AGBL4: variants seen among roughly 807,000 people sequenced by gnomAD.
AGBL4 encodes the protein cytosolic carboxypeptidase 6.
AGBL4 carries 58 observed loss-of-function variants against 66.4 expected under a neutral mutation model. That is an observed-to-expected ratio of 0.87 (90% CI 0.71 to 1.09). The LOEUF (loss-of-function observed/expected upper bound fraction) is 1.09. Among genes scored for constraint, AGBL4 ranks in the 50% least tolerant of loss-of-function variants. The pLI is 0.00. For synonymous variants in AGBL4, 234 were observed against 222.9 expected (o/e 1.05, Z -0.44); for missense variants, 579 against 631.0 (o/e 0.92, Z 0.88).
chr1:49,038,188 A>G (rs1221469501), intron 5 of AGBL4, among the ~76,000 whole-genome samples: 1 of 152,106 alleles, frequency 6.6e-6, no homozygotes, highest in East Asian at 1.9e-4. Flanking sequence ...TGCTAGTTAC[A>G]TGGTAGGTAT....
intron 1 of AGBL4, among the ~76,000 whole-genome samples, chr1:49,908,550 T>G (rs1282137630): frequency 6.6e-6 from 1 of 152,198 alleles, no homozygotes; most frequent in Non-Finnish European, 1.5e-5. Flanking sequence ...ACACTTCCTG[T>G]ACTGTCTGCA....
intron 2 of AGBL4, among the ~76,000 whole-genome samples, chr1:49,722,423 T>C (rs1179338326): frequency 6.6e-6 from 1 of 152,158 alleles, no homozygotes. Context: ...AATATTTTTA[T>C]CTTGATGTAC....
chr1:48,760,184 C>T (rs1348956557), intron 6 of AGBL4, among the ~76,000 whole-genome samples: 1 of 152,202 alleles, frequency 6.6e-6, no homozygotes, highest in East Asian at 1.9e-4. Context: ...AGGACCCCCT[C>T]CAGAGCTTGG....
intron 1 of AGBL4, among the ~76,000 whole-genome samples, chr1:49,992,625 C>G (rs1213769027): frequency 1.3e-5 from 2 of 151,926 alleles, no homozygotes; most frequent in African/African-American, 2.4e-5. Context: ...TTCTGCCTAC[C>G]TTTCAATACT....
At chr1:48,622,475 A>ATTTTT (rs35455455) in intron 9 of AGBL4, among the ~76,000 whole-genome samples, 2 of 71,856 alleles carry the variant, frequency 2.8e-5, no homozygotes, top group African/African-American at 1.0e-4. Context: ...ATTCAAATAC[A>ATTTTT]TTTTTTTTTT....
chr1:49,891,420 T>G (rs1195602869), intron 1 of AGBL4, among the ~76,000 whole-genome samples: 1 of 152,176 alleles, frequency 6.6e-6, no homozygotes, highest in African/African-American at 2.4e-5. Context: ...ACAGACATTT[T>G]CATTTGTCAC....
At chr1:49,470,858 T>C (rs1646727996) in intron 3 of AGBL4, among the ~76,000 whole-genome samples, 2 of 152,052 alleles carry the variant, frequency 1.3e-5, no homozygotes, top group Non-Finnish European at 2.9e-5. Flanking sequence ...CAAGGAGCAA[T>C]ACCTCTGCTG....
chr1:48,841,441 G>A (rs1646800622), intron 6 of AGBL4, among the ~76,000 whole-genome samples: 1 of 134,938 alleles, frequency 7.4e-6, no homozygotes. Flanking sequence ...GAAGGAGCAG[G>A]TTGTAGACAG....
chr1:49,775,551 C>T (rs897115864), intron 2 of AGBL4, among the ~76,000 whole-genome samples: 14 of 151,578 alleles, frequency 9.2e-5, no homozygotes, highest in African/African-American at 3.1e-4. Context: ...TAAATTTTTC[C>T]CCAAACCAAA....
intron 2 of AGBL4, among the ~76,000 whole-genome samples, chr1:49,708,776 C>T (rs1262378632): frequency 6.6e-6 from 1 of 152,078 alleles, no homozygotes; most frequent in Non-Finnish European, 1.5e-5. Flanking sequence ...TGCTATTGCT[C>T]TCTGTTTGTA....
At chr1:49,374,808 C>T (rs1365084329) in intron 3 of AGBL4, among the ~76,000 whole-genome samples, 1 of 152,134 alleles carries the variant, frequency 6.6e-6, no homozygotes, top group Non-Finnish European at 1.5e-5. Flanking sequence ...TCAGTAATCA[C>T]TTTCATTCTT....
At chr1:49,270,402 C>T (rs1464936941) in intron 3 of AGBL4, among the ~76,000 whole-genome samples, 1 of 152,164 alleles carries the variant, frequency 6.6e-6, no homozygotes, top group Non-Finnish European at 1.5e-5. Flanking sequence ...GGTACCCAAA[C>T]ACACTGTTTA....
At chr1:49,150,420 C>G (rs1448577432) in intron 4 of AGBL4, among the ~76,000 whole-genome samples, 1 of 151,870 alleles carries the variant, frequency 6.6e-6, no homozygotes, top group Non-Finnish European at 1.5e-5. Flanking sequence ...TTCTAAAATT[C>G]TACTATGTAA....
chr1:49,209,261 T>C (rs1431432879), intron 4 of AGBL4, among the ~76,000 whole-genome samples: 1 of 152,126 alleles, frequency 6.6e-6, no homozygotes, highest in Non-Finnish European at 1.5e-5. Context: ...AGAAACTATA[T>C]AGATGAAGTA....
At chr1:49,547,577 T>C (rs1243875258) in intron 3 of AGBL4, among the ~76,000 whole-genome samples, 5 of 152,180 alleles carry the variant, frequency 3.3e-5, no homozygotes, top group Non-Finnish European at 7.4e-5. Context: ...GCGTTGAATT[T>C]GTAGATCCCT....
intron 4 of AGBL4, among the ~76,000 whole-genome samples, chr1:49,168,144 A>G (rs1343398791): frequency 6.6e-6 from 1 of 152,186 alleles, no homozygotes; most frequent in Non-Finnish European, 1.5e-5. Context: ...CGAATACCTA[A>G]GAACACTAAA....
intron 2 of AGBL4, among the ~76,000 whole-genome samples, chr1:49,736,573 G>C (rs1649908904): frequency 6.6e-6 from 1 of 151,988 alleles, no homozygotes; most frequent in African/African-American, 2.4e-5. Flanking sequence ...TAAACCTTTG[G>C]GATGCAGCAA....
At chr1:49,710,932 A>T (rs533255903) in intron 2 of AGBL4, among the ~76,000 whole-genome samples, 2 of 152,120 alleles carry the variant, frequency 1.3e-5, no homozygotes, top group Non-Finnish European at 2.9e-5. Context: ...AAACACTCAG[A>T]AAAAGAAAAC....
At chr1:49,704,832 C>T (rs1165907923) in intron 2 of AGBL4, among the ~76,000 whole-genome samples, 1 of 152,118 alleles carries the variant, frequency 6.6e-6, no homozygotes, top group African/African-American at 2.4e-5. Context: ...GTTACTGTAG[C>T]TTTGTAGCAT....
Sources: gnomAD v4.1 joint callset for allele counts (sites outside exome capture counted in the v4.1 genomes callset) on GRCh38, gnomAD v4.1.1 for gene constraint, MANE v1.5 for transcripts, NCBI Gene and HGNC (gene_info 2026-07-23, HGNC 2026-07-21) for gene names.